TMEM181: variants seen among roughly 807,000 people sequenced by gnomAD.
TMEM181 encodes the protein transmembrane protein 181.
TMEM181 carries 39 observed loss-of-function variants against 71.9 expected under a neutral mutation model. That is an observed-to-expected ratio of 0.54 (90% CI 0.42 to 0.71). The LOEUF is 0.71. TMEM181 is among the 30% of genes least tolerant of loss of function. The pLI, the probability that TMEM181 is intolerant of heterozygous loss-of-function variation, is 0.00. For synonymous variants in TMEM181, 245 were observed against 228.8 expected (o/e 1.07, Z -0.64); for missense variants, 595 against 583.0 (o/e 1.02, Z -0.21).
rs1786226706 is a variant in TMEM181, at chr6:158,625,553, G to A, written c.1058-150G>A. On this transcript the variant is annotated intron_variant, in intron 12 of 16. Coordinates refer to ENST00000684151, the MANE Select transcript of TMEM181 (RefSeq NM_001376852.1). ...ATCCTGGCCCTGGGAAGGGACCAAC[G>A]TTCTCCTAGGCTGCTGGCGACTCCG... 4.3e-6 allele frequency: 3 copies of A among 696,454 alleles called. 1 individual carries two copies. Among genetic ancestry groups the A allele is most frequent in the South Asian group, 3.9e-5 (2 of 51,746 alleles). The allele number at this position is 696,454 out of a possible 1,614,324, so 43.1% of individuals were successfully genotyped here.
rs1188471709 is a variant in TMEM181 at position 158,634,351 on chromosome 6, TTTGACAGTAGCAAGAAAATTG to T, written c.*2468_*2488del. The T allele has an allele frequency of 1.3e-5, 2 of 152,208 alleles. No individual in the cohort carries two copies. The highest frequency in any genetic ancestry group is 4.8e-5 in the African/African-American group (2 of 41,448). The allele number at this position is 152,208 out of a possible 1,614,324, so 9.4% of individuals were successfully genotyped here. ...AAAACACTAAAGTCTGCCAGAAACT[TTTGACAGTAGCAAGAAAATTG>T]TTGAAGAAAAAATAAATTATTTACT... On this transcript the variant is annotated 3_prime_UTR_variant, in exon 17 of 17. Transcript: ENST00000684151.
chr6:158,589,851 G>A (rs1306881454), intron 6 of TMEM181, 69 bp downstream of exon 6: 1 of 1,104,762 alleles, frequency 9.1e-7, no homozygotes, highest in Admixed American at 1.9e-5. Flanking sequence ...TTCAATGATT[G>A]AAATACATCT....
At position 158,633,279 on chromosome 6, in the gene TMEM181, G is replaced by A. The variant is rs547178376; in HGVS notation, c.*1391G>A. 3.3e-5 allele frequency: 5 copies of A among 152,272 alleles called. No individual in the cohort carries two copies. Among genetic ancestry groups the A allele is most frequent in the East Asian group, 1.9e-4 (1 of 5,180 alleles). 9.4% of individuals were successfully genotyped at this position (152,272 alleles called of 1,614,324 possible). A position where few individuals can be genotyped will look rare whatever the true frequency, so the allele number is the denominator to read the frequency against. On this transcript the variant is annotated 3_prime_UTR_variant, in exon 17 of 17. Coordinates refer to ENST00000684151, the MANE Select transcript of TMEM181 (RefSeq NM_001376852.1). ...GTCCACATGGCGGTCAGGTAGGGAC[G>A]ACCTGTTCTGTAAAGTCCTTGGCAC...
upstream of TMEM181, among the ~76,000 whole-genome samples, chr6:158,558,491 GACA>G (rs1443336084): frequency 6.6e-6 from 1 of 152,208 alleles, no homozygotes; most frequent in Non-Finnish European, 1.5e-5. Context: ...AACGTGGTTA[GACA>G]ACATTTATGG....
intron 10 of TMEM181, among the ~76,000 whole-genome samples, chr6:158,613,220 A>T (rs1785427084): frequency 6.6e-6 from 1 of 152,218 alleles, no homozygotes; most frequent in Non-Finnish European, 1.5e-5. Context: ...CAAGACTAGA[A>T]TTTAACAGGT....
chr6:158,628,300 C>G (rs1427334487), intron 13 of TMEM181, 108 bp from the exon 14 acceptor site: 1 of 995,526 alleles, frequency 1.0e-6, no homozygotes, highest in Admixed American at 1.9e-5. Flanking sequence ...ATGCAGAAAT[C>G]ATAGTGTACA....
intron 2 of TMEM181, among the ~76,000 whole-genome samples, chr6:158,576,790 T>G (rs1485992077): frequency 6.6e-6 from 1 of 151,910 alleles, no homozygotes; most frequent in Admixed American, 6.6e-5. Flanking sequence ...CGGCCGGGCG[T>G]GGTGGCTCAT....
At chr6:158,611,264 C>T in intron 10 of TMEM181, 1 of 497,500 alleles carries the variant, frequency 2.0e-6, no homozygotes, top group Non-Finnish European at 4.1e-6. Flanking sequence ...TGTTCCTTCT[C>T]AGTCTTGGCT....
chr6:158,592,836 T>G (rs571726270), intron 6 of TMEM181, among the ~76,000 whole-genome samples: 1 of 152,170 alleles, frequency 6.6e-6, no homozygotes, highest in East Asian at 1.9e-4. Flanking sequence ...GAGGATCACT[T>G]GAGCCTGGGA....
At chr6:158,573,385 C>A in intron 1 of TMEM181, 35 bp from the exon 2 acceptor site, 1 of 1,538,968 alleles carries the variant, frequency 6.5e-7, no homozygotes, top group Non-Finnish European at 8.8e-7. Context: ...CGGGCCTTCC[C>A]CTGACCGTCC....
chr6:158,615,326 G>C (rs1330065145), intron 10 of TMEM181, among the ~76,000 whole-genome samples: 2 of 152,166 alleles, frequency 1.3e-5, no homozygotes, highest in African/African-American at 4.8e-5. Context: ...CCCACTTTTT[G>C]ATGGGATTGT....
At chr6:158,613,682 C>T (rs1430542011) in intron 10 of TMEM181, among the ~76,000 whole-genome samples, 2 of 152,176 alleles carry the variant, frequency 1.3e-5, no homozygotes, top group East Asian at 1.9e-4. Context: ...CAGTGAAAGC[C>T]TTGGCAGAAT....
intron 2 of TMEM181, 64 bp downstream of exon 2, chr6:158,573,587 C>T (rs1042903453): frequency 1.4e-5 from 19 of 1,379,496 alleles, no homozygotes; most frequent in Admixed American, 6.0e-5. Flanking sequence ...GTATTGCTTT[C>T]GGTCAGCCCA....
exon 1 of TMEM181, chr6:158,536,683 C>T (rs1248886706): frequency 1.3e-6 from 2 of 1,530,604 alleles, no homozygotes; most frequent in Non-Finnish European, 1.8e-6. Context: ...GGGGCGCAGG[C>T]GGCGACACAA....
At chr6:158,570,904 T>C (rs565506496) in intron 1 of TMEM181, among the ~76,000 whole-genome samples, 80 of 151,202 alleles carry the variant, frequency 5.3e-4, no homozygotes, top group African/African-American at 1.9e-3. Flanking sequence ...CAGTATTTTG[T>C]TTGTTTGTTA....
chr6:158,632,515 T>G lies in TMEM181; in HGVS notation c.*627T>G, dbSNP rs1006336734. On this transcript the variant is annotated 3_prime_UTR_variant, in exon 17 of 17. Transcript: ENST00000684151. ...ACCCTTCACGTCACCAAAGGGGAAG[T>G]AATAGTGTGGAGTTCTGAGGAGGGT... 6.5e-6 allele frequency: 1 copy of G among 152,806 alleles called. No homozygotes were observed. The highest frequency in any genetic ancestry group is 6.5e-5 in the Admixed American group (1 of 15,402). The allele number at this position is 152,806 out of a possible 1,614,324, so 9.5% of individuals were successfully genotyped here. A position where few individuals can be genotyped will look rare whatever the true frequency, so the allele number is the denominator to read the frequency against.
intron 10 of TMEM181, among the ~76,000 whole-genome samples, chr6:158,617,334 C>G (rs1785674782): frequency 6.6e-6 from 1 of 152,032 alleles, no homozygotes; most frequent in South Asian, 2.1e-4. Flanking sequence ...GTGATATCCC[C>G]TTCATCATTT....
chr6:158,537,437 G>A (rs1321638454), intron 1 of TMEM181, among the ~76,000 whole-genome samples: 1 of 152,236 alleles, frequency 6.6e-6, no homozygotes, highest in Admixed American at 6.5e-5. Flanking sequence ...GCGCCTGGGA[G>A]CGGCTGTGTG....
At chr6:158,584,066 A>G in intron 4 of TMEM181, 22 bp downstream of exon 4, 1 of 1,571,360 alleles carries the variant, frequency 6.4e-7, no homozygotes, top group Non-Finnish European at 8.6e-7. Context: ...GACATTTTGG[A>G]ATGATTTTTC....
Sources: allele counts gnomAD v4.1 joint callset (sites outside exome capture counted in the v4.1 genomes callset), GRCh38; gene constraint gnomAD v4.1.1; transcripts MANE v1.5; gene names NCBI Gene and HGNC (gene_info 2026-07-23, HGNC 2026-07-21).